Variants in TLN2 observed in about 807,000 individuals in gnomAD.
TLN2 encodes the protein talin-2.
A neutral mutation model predicts 294.7 loss-of-function variants in TLN2; 118 were observed. The ratio of observed to expected loss-of-function variants is 0.40; its 90% CI spans 0.34 to 0.47. The LOEUF is 0.47. Among genes scored for constraint, TLN2 ranks in the 20% least tolerant of loss-of-function variants. The pLI is 0.84. For synonymous variants in TLN2, 1,431 were observed against 1,304.5 expected (o/e 1.10, Z -2.09); for missense variants, 3,083 against 3,282.2 (o/e 0.94, Z 1.48).
At chr15:62,566,460 A>G (rs1040816793) in intron 1 of TLN2, among the ~76,000 whole-genome samples, 1 of 152,028 alleles carries the variant, frequency 6.6e-6, no homozygotes, top group African/African-American at 2.4e-5. Context: ...GGCGAGTTCT[A>G]GGAATGTGGA....
chr15:62,451,635 G>A (rs371592447), intron 1 of TLN2, among the ~76,000 whole-genome samples: 6 of 152,150 alleles, frequency 3.9e-5, no homozygotes, highest in Non-Finnish European at 7.3e-5. Flanking sequence ...CAGCCTGGGC[G>A]ACAGAGTGAG....
chr15:62,463,741 G>A (rs2036948813), intron 1 of TLN2, among the ~76,000 whole-genome samples: 1 of 152,134 alleles, frequency 6.6e-6, no homozygotes, highest in African/African-American at 2.4e-5. Flanking sequence ...CAAAAAATTA[G>A]CCAGGCGTGG....
intron 1 of TLN2, among the ~76,000 whole-genome samples, chr15:62,398,423 G>A (rs765543720): frequency 4.6e-5 from 7 of 152,114 alleles, no homozygotes; most frequent in Non-Finnish European, 8.8e-5. Context: ...GGGTAATAGA[G>A]TAAATTGGTA....
intron 40 of TLN2, among the ~76,000 whole-genome samples, chr15:62,765,628 TC>T (rs1378232830): frequency 6.6e-6 from 1 of 152,208 alleles, no homozygotes; most frequent in African/African-American, 2.4e-5. Flanking sequence ...GCTAAGAATC[TC>T]CACCTTTGAA....
chr15:62,704,280 A>G (rs2141107724), intron 19 of TLN2, among the ~76,000 whole-genome samples: 1 of 152,302 alleles, frequency 6.6e-6, no homozygotes, highest in Non-Finnish European at 1.5e-5. Flanking sequence ...TGACACTTCT[A>G]AATACCTTTT....
intron 1 of TLN2, among the ~76,000 whole-genome samples, chr15:62,454,718 A>G (rs1342380247): frequency 6.6e-6 from 1 of 152,120 alleles, no homozygotes; most frequent in Non-Finnish European, 1.5e-5. Flanking sequence ...GGGAGGGTTT[A>G]GTTTTGAGCA....
chr15:62,819,649 A>G, intron 53 of TLN2, 28 bp downstream of exon 53: 2 of 1,590,972 alleles, frequency 1.3e-6, no homozygotes, highest in Admixed American at 1.7e-5. Context: ...GTCTTGGTGG[A>G]GGGCAACCCT....
rs114130312 is a variant in TLN2, at chr15:62,833,457, C to T, written c.7003-47C>T. ...AGTAAGTAGTTTGGAAGAAAGAGCC[C>T]TTTGTGGATATGAATTGAATGTGAT... On this transcript the variant is annotated intron_variant, in intron 54 of 58. Transcript: ENST00000636159. 7,583 of 1,599,070 alleles carry T rather than the reference C, an allele frequency of 4.7e-3. 106 individuals carry two copies. Among genetic ancestry groups the T allele is most frequent in the African/African-American group, 0.047 (3,509 of 74,684 alleles).
At chr15:62,492,703 CTG>C (rs2038814855) in intron 1 of TLN2, among the ~76,000 whole-genome samples, 1 of 151,916 alleles carries the variant, frequency 6.6e-6, no homozygotes, top group African/African-American at 2.4e-5. Flanking sequence ...ATGTCCCAAA[CTG>C]TGAAATTTAT....
chr15:62,446,775 G>A (rs966528773), intron 1 of TLN2, among the ~76,000 whole-genome samples: 1 of 152,156 alleles, frequency 6.6e-6, no homozygotes, highest in Non-Finnish European at 1.5e-5. Context: ...ACTGGGGGCT[G>A]TAGGGTATTC....
intron 1 of TLN2, among the ~76,000 whole-genome samples, chr15:62,512,018 T>A (rs1465799039): frequency 2.6e-5 from 4 of 152,170 alleles, no homozygotes; most frequent in Non-Finnish European, 5.9e-5. Context: ...CTTGCAAAAC[T>A]CAACTCTAGT....
Position 62,675,185 on chromosome 15 carries a change from A to G in TLN2, c.853-32A>G, listed in dbSNP as rs780274996. The stretch of plus-strand genomic sequence containing the variant: ...AAGTCCACCTGCTGGCAGAGATGCA[A>G]TAACTGGTCCCGACCACTGTCACTT... On this transcript the variant is annotated intron_variant, in intron 10 of 58. Transcript: ENST00000636159. 7 of 1,607,522 alleles carry G rather than the reference A, an allele frequency of 4.4e-6. No individual in the cohort carries two copies. In the South Asian group the frequency reaches 6.6e-5, roughly 15 times the overall value.
intron 1 of TLN2, among the ~76,000 whole-genome samples, chr15:62,446,973 A>ACT (rs768440547): frequency 0.21 from 31,652 of 152,062 alleles, 3,784 homozygotes; most frequent in South Asian, 0.29. Flanking sequence ...TTCTGCAAGA[A>ACT]GTTAATAGGG....
intron 1 of TLN2, among the ~76,000 whole-genome samples, chr15:62,533,253 CAAAAAAAAAA>C (rs10650730): frequency 1.9e-5 from 1 of 51,424 alleles, no homozygotes; most frequent in African/African-American, 8.0e-5. Flanking sequence ...GACTCTGTCT[CAAAAAAAAAA>C]AAAAAAAAAA....
rs1048715381 is a variant in TLN2 at position 62,589,728 on chromosome 15, G to A, written c.-196G>A. ...CTCACATGCTTTGGGATATCTTCAG[G>A]GAAATACGCTCTTAATAGAAACTGA... is the stretch of plus-strand genomic sequence containing the variant. On this transcript the variant is annotated 5_prime_UTR_variant, in exon 2 of 59. Transcript: ENST00000636159. 1 of 152,138 alleles carries A rather than the reference G, an allele frequency of 6.6e-6. No individual in the cohort carries two copies. The highest frequency in any genetic ancestry group is 2.4e-5 in the African/African-American group (1 of 41,426). 9.4% of individuals were successfully genotyped at this position (152,138 alleles called of 1,614,324 possible).
rs1323155000 is a variant in TLN2, at chr15:62,671,102, C to T, written c.789-2725C>T. 3.3e-5 allele frequency among the ~76,000 whole-genome samples: 5 copies of T among 152,176 alleles called. No individual in the cohort carries two copies. In the East Asian group the frequency reaches 9.6e-4, roughly 29 times the overall value. ...TCTCTTCTTTGGAGAAATGACTGTT[C>T]ATGTCCTCTGCCCATTTTTAATTGG... On this transcript the variant is annotated intron_variant, in intron 9 of 58. Coordinates refer to ENST00000636159, the MANE Select transcript of TLN2 (RefSeq NM_015059.3).
chr15:62,782,006 AACTTTTAAAG>A (rs2064219162), intron 44 of TLN2, among the ~76,000 whole-genome samples: 1 of 152,248 alleles, frequency 6.6e-6, no homozygotes, highest in Admixed American at 6.5e-5. Context: ...AGTTTCTCCC[AACTTTTAAAG>A]GCTCAGATGC....
chr15:62,716,225 T>A, intron 22 of TLN2, 106 bp from the exon 23 acceptor site: 1 of 1,261,872 alleles, frequency 7.9e-7, no homozygotes, highest in Non-Finnish European at 1.0e-6. Flanking sequence ...GGCATTTGAC[T>A]ATCCTTGCAA....
At chr15:62,688,618 T>C (rs1349634394) in intron 12 of TLN2, among the ~76,000 whole-genome samples, 4 of 152,190 alleles carry the variant, frequency 2.6e-5, no homozygotes, top group Admixed American at 6.5e-5. Flanking sequence ...TTCTTAACAG[T>C]AATTATGGAT....
Sources: allele counts gnomAD v4.1 joint callset (sites outside exome capture counted in the v4.1 genomes callset), GRCh38; gene constraint gnomAD v4.1.1; transcripts MANE v1.5; gene names NCBI Gene and HGNC (gene_info 2026-07-23, HGNC 2026-07-21).